The following SGCE variants were observed in gnomAD, a reference collection of about 807,000 sequenced individuals.
SGCE encodes epsilon-sarcoglycan.
SGCE carries 26 observed loss-of-function variants against 57.8 expected under a neutral mutation model. The ratio of observed to expected loss-of-function variants is 0.45; its 90% CI spans 0.33 to 0.62. The LOEUF (loss-of-function observed/expected upper bound fraction) is 0.62. Ranked by LOEUF, SGCE falls within the 20% of genes least tolerant of loss-of-function variation. The probability of loss-of-function intolerance (pLI) is 0.02; values close to 1 mark genes in which losing one functional copy is unlikely to be tolerated. For missense variants in SGCE, 468 were observed against 548.6 expected, an observed-to-expected ratio of 0.85 and a Z score of 1.47; for synonymous variants, 183 against 189.5, an observed-to-expected ratio of 0.97 and a Z score of 0.28.
In SGCE at chr7:94,656,049, C is replaced by A. The variant is rs373127563; in HGVS notation, c.50G>T (p.Gly17Val). 2 of 1,613,518 alleles carry A rather than the reference C, an allele frequency of 1.2e-6. No individual in the cohort carries two copies. The highest frequency in any genetic ancestry group is 1.3e-5 in the African/African-American group (1 of 75,028). The change falls in exon 1 of 11, where the codon GGA (glycine) becomes GTA (valine). Residue 17 changes from glycine (G) to valine (V), a missense_variant. Gly to Val is a moderately radical substitution (Grantham distance 109). Transcript: ENST00000648936. ...WELGDPCAWTGQGRGTRRMSP... is the reference protein window; with the variant it reads ...WELGDPCAWTVQGRGTRRMSP... The stretch of plus-strand genomic sequence containing the variant: ...CATCCTGCGTGTCCCCCGACCCTGT[C>A]CCGTCCAAGCACAGGGGTCTCCCAG...
At chr7:94,605,008 T>C in intron 5 of SGCE, among the ~76,000 whole-genome samples, 1 of 151,514 alleles carries the variant, frequency 6.6e-6, no homozygotes. Flanking sequence ...AATTACAGAA[T>C]TCTTCCCCTC....
chr7:94,655,420 G>A (rs542441297), intron 1 of SGCE, among the ~76,000 whole-genome samples: 57 of 152,204 alleles, frequency 3.7e-4, no homozygotes, highest in Middle Eastern at 3.4e-3. Flanking sequence ...CCGTAAAACC[G>A]AAGAAAACCG....
intron 8 of SGCE, 28 bp downstream of exon 8, chr7:94,599,666 TGAA>T: frequency 6.2e-7 from 1 of 1,600,478 alleles, no homozygotes; most frequent in Non-Finnish European, 8.6e-7. Context: ...GAAAAAATGA[TGAA>T]GAAAATAACA....
chr7:94,651,490 A>G (rs1367305954), intron 1 of SGCE, among the ~76,000 whole-genome samples: 1 of 152,236 alleles, frequency 6.6e-6, no homozygotes, highest in Admixed American at 6.5e-5. Flanking sequence ...CTCACACAGC[A>G]ATACTGCTAA....
rs969201904 is a variant in SGCE at position 94,585,667 on chromosome 7, T to C, written c.1298-152A>G. 49 of 643,770 alleles carry C rather than the reference T, an allele frequency of 7.6e-5. 2 individuals carry two copies. Among genetic ancestry groups the C allele is most frequent in the Non-Finnish European group, 1.3e-4 (47 of 353,052 alleles). The allele number at this position is 643,770 out of a possible 1,614,324, so 39.9% of individuals were successfully genotyped here. On this transcript the variant is annotated intron_variant, in intron 10 of 10. Transcript: ENST00000648936. ...TTGCATTATTTCTCTGTATTTGGTT[T>C]TTTTAAAAAACAGAAAACAAAAGAA... is the stretch of plus-strand genomic sequence containing the variant.
chr7:94,629,323 A>C (rs2116968385), intron 2 of SGCE: 1 of 161,958 alleles, frequency 6.2e-6, no homozygotes, highest in Admixed American at 6.2e-5. Flanking sequence ...GCTTTTTAAA[A>C]GCTCTTACCT....
intron 9 of SGCE, chr7:94,589,486 C>G (rs1221087947): frequency 6.6e-6 from 1 of 152,454 alleles, no homozygotes; most frequent in Non-Finnish European, 1.5e-5. Context: ...GAATAATCTT[C>G]TAAGACAGGG....
intron 1 of SGCE, among the ~76,000 whole-genome samples, chr7:94,630,809 G>A (rs1804583027): frequency 6.6e-6 from 1 of 151,858 alleles, no homozygotes; most frequent in Admixed American, 6.6e-5. Context: ...TAATGGATTT[G>A]TAAATATGGT....
rs1324660961 is a variant in SGCE at position 94,615,359 on chromosome 7, AAAAT to A, written c.662+3395_662+3398del. On this transcript the variant is annotated intron_variant, in intron 5 of 10. Transcript: ENST00000648936. ...GGGTGACAGAGCAAGACTCTGTCTC[AAAAT>A]AAATAGATAGATAGATAGATAGATA... 1.4e-3 allele frequency among the ~76,000 whole-genome samples: 190 copies of A among 139,618 alleles called. 1 individual carries two copies. The highest frequency in any genetic ancestry group is 4.6e-3 in the African/African-American group (166 of 36,378). 91.6% of individuals were successfully genotyped at this position (139,618 alleles called of 152,430 possible). A position where few individuals can be genotyped will look rare whatever the true frequency, so the allele number is the denominator to read the frequency against.
intron 5 of SGCE, chr7:94,617,646 G>C (rs777340735): frequency 6.6e-6 from 1 of 152,164 alleles, no homozygotes; most frequent in Non-Finnish European, 1.5e-5. Context: ...ACATAGACAA[G>C]AGATAAAGCA....
chr7:94,608,079 C>A (rs546286991), intron 5 of SGCE, among the ~76,000 whole-genome samples: 5 of 152,180 alleles, frequency 3.3e-5, no homozygotes, highest in Non-Finnish European at 2.9e-5. Context: ...TGTGATGGCT[C>A]ACACCTGTAA....
intron 4 of SGCE, chr7:94,620,642 T>C (rs182756040): frequency 6.6e-6 from 1 of 152,346 alleles, no homozygotes; most frequent in East Asian, 1.9e-4. Context: ...ATTCATTTCA[T>C]TCAATGTTTT....
Position 94,588,237 on chromosome 7 carries a change from GC to G in SGCE, c.1297+451del, listed in dbSNP as rs770929555. On this transcript the variant is annotated intron_variant, in intron 10 of 10. Transcript: ENST00000648936. ...CATGTTATAACAGCTTTTTAAAGCG[GC>G]TTTAAAACCAGGCCAGCCATTTCTC... 60 of 1,043,266 alleles carry G rather than the reference GC, an allele frequency of 5.8e-5. No homozygotes were observed. The East Asian group carries it at 1.3e-3, about 23-fold the overall frequency. 64.6% of individuals were successfully genotyped at this position (1,043,266 alleles called of 1,614,324 possible). A position where few individuals can be genotyped will look rare whatever the true frequency, so the allele number is the denominator to read the frequency against.
chr7:94,594,169 T>C (rs1467547640), intron 9 of SGCE, among the ~76,000 whole-genome samples: 1 of 152,132 alleles, frequency 6.6e-6, no homozygotes, highest in Non-Finnish European at 1.5e-5. Context: ...AAATACGTAA[T>C]AGATTTTTGA....
chr7:94,601,479 A>G (rs983101951), intron 6 of SGCE, among the ~76,000 whole-genome samples: 15 of 146,326 alleles, frequency 1.0e-4, no homozygotes, highest in Non-Finnish European at 6.0e-5. Context: ...AAAAAAAACT[A>G]CAACAGTTGC....
intron 1 of SGCE, among the ~76,000 whole-genome samples, chr7:94,643,843 T>C (rs1806712661): frequency 6.6e-6 from 1 of 152,214 alleles, no homozygotes; most frequent in Admixed American, 6.5e-5. Flanking sequence ...ATGCATTTTT[T>C]TATGTGAGAA....
intron 1 of SGCE, among the ~76,000 whole-genome samples, chr7:94,642,576 C>G (rs1806543233): frequency 6.6e-6 from 1 of 152,174 alleles, no homozygotes; most frequent in African/African-American, 2.4e-5. Flanking sequence ...TCAGGTAATT[C>G]ACATACAAAA....
chr7:94,589,056 G>A, intron 9 of SGCE: 1 of 364,724 alleles, frequency 2.7e-6, no homozygotes, highest in South Asian at 2.7e-5. Context: ...GGGCCACATA[G>A]CTAGGACATG....
In SGCE at chr7:94,598,884, A is replaced by G. The variant is rs886044343; in HGVS notation, c.1144T>C (p.Trp382Arg). 6.2e-7 allele frequency: 1 copy of G among 1,613,662 alleles called. No individual in the cohort carries two copies. The change falls in exon 9 of 11, where the codon TGG becomes CGG. Residue 382 changes from tryptophan to arginine, a missense_variant. Physicochemically the swap from Trp to Arg is moderately radical, Grantham distance 101. Coordinates refer to ENST00000648936, the MANE Select transcript of SGCE (RefSeq NM_003919.3). ...RDMSKNREIAWPLSTLPVFHP... is the reference protein window; with the variant it reads ...RDMSKNREIARPLSTLPVFHP... ...AACACAGGAAGCGTTGACAGGGGCCATGCTATCTCTCTATTCTTGGACATG... is the reference window on the plus strand; with the variant it reads ...AACACAGGAAGCGTTGACAGGGGCCGTGCTATCTCTCTATTCTTGGACATG...
Sources: allele counts gnomAD v4.1 joint callset (sites outside exome capture counted in the v4.1 genomes callset), GRCh38; gene constraint gnomAD v4.1.1; transcripts MANE v1.5; gene names NCBI Gene and HGNC (gene_info 2026-07-23, HGNC 2026-07-21).